The following AVEN variants were observed in gnomAD, a reference collection of about 807,000 sequenced individuals.
AVEN encodes the protein cell death regulator Aven.
In AVEN, 41 loss-of-function variants were observed where a neutral mutation model predicts 38.1. That is an observed-to-expected ratio of 1.08 (90% CI 0.84 to 1.40). AVEN has a LOEUF of 1.40. AVEN is among the 40% of genes most tolerant of loss of function. The pLI is 0.00. For missense variants in AVEN, 605 were observed against 438.8 expected, an observed-to-expected ratio of 1.38 and a Z score of -3.38; for synonymous variants, 206 against 171.8, an observed-to-expected ratio of 1.20 and a Z score of -1.56.
chr15:33,917,179 A>G (rs1016294646), intron 2 of AVEN, among the ~76,000 whole-genome samples: 1 of 152,134 alleles, frequency 6.6e-6, no homozygotes, highest in Non-Finnish European at 1.5e-5. Flanking sequence ...TAAAGAACTC[A>G]AAGCAGAACT....
At chr15:33,858,536 G>A (rs977082433), downstream of AVEN, 1 of 59,606 alleles carries the variant, frequency 1.7e-5, no homozygotes, top group Non-Finnish European at 6.0e-5. Flanking sequence ...AATGAAACCA[G>A]TGTCTAAATT....
chr15:33,853,545 T>G, the AVEN span: 2 of 1,612,906 alleles, frequency 1.2e-6, no homozygotes, highest in South Asian at 1.1e-5. Flanking sequence ...CCTGTCATCC[T>G]TTGCTTCAGG....
At chr15:33,988,502 A>G (rs559209198) in intron 2 of AVEN, among the ~76,000 whole-genome samples, 1 of 152,330 alleles carries the variant, frequency 6.6e-6, no homozygotes, top group South Asian at 2.1e-4. Flanking sequence ...CGTGTAACAC[A>G]TCTCACACAC....
chr15:34,004,299 G>A (rs1020924087), intron 1 of AVEN, among the ~76,000 whole-genome samples: 6 of 152,098 alleles, frequency 3.9e-5, no homozygotes, highest in Non-Finnish European at 7.3e-5. Flanking sequence ...AAGGTTAAGA[G>A]AGCATGCAGA....
At chr15:33,863,675 G>A (rs1889357574), downstream of AVEN, among the ~76,000 whole-genome samples, 1 of 152,030 alleles carries the variant, frequency 6.6e-6, no homozygotes, top group Non-Finnish European at 1.5e-5. Flanking sequence ...TATAGTTCTG[G>A]AAGAATCTCC....
intron 2 of AVEN, among the ~76,000 whole-genome samples, chr15:33,999,977 C>T (rs1486990708): frequency 6.6e-6 from 1 of 152,200 alleles, no homozygotes; most frequent in African/African-American, 2.4e-5. Context: ...TTTCTGACCC[C>T]ATCGCATATT....
chr15:33,928,743 C>T (rs1893726196), intron 2 of AVEN, among the ~76,000 whole-genome samples: 1 of 152,160 alleles, frequency 6.6e-6, no homozygotes, highest in Non-Finnish European at 1.5e-5. Flanking sequence ...TACCAAGAGT[C>T]ACAGAGAAAC....
chr15:33,912,711 G>C (rs991732155), intron 2 of AVEN, among the ~76,000 whole-genome samples: 1 of 152,132 alleles, frequency 6.6e-6, no homozygotes, highest in Non-Finnish European at 1.5e-5. Context: ...ATTGTCACAA[G>C]ACTGGTGACA....
intron 1 of AVEN, among the ~76,000 whole-genome samples, chr15:34,013,202 C>T (rs1897712148): frequency 6.6e-6 from 1 of 152,106 alleles, no homozygotes; most frequent in South Asian, 2.1e-4. Context: ...GCTGGGATTA[C>T]AGGCGCGCGC....
intron 2 of AVEN, among the ~76,000 whole-genome samples, chr15:33,983,128 C>CTGTGTGTG (rs373285133): frequency 7.4e-5 from 10 of 135,266 alleles, no homozygotes; most frequent in Non-Finnish European, 1.6e-4. Context: ...TGTCCATACT[C>CTGTGTGTG]TGTGTGTGTG....
chr15:33,863,248 T>C (rs756212024), downstream of AVEN, among the ~76,000 whole-genome samples: 14 of 152,204 alleles, frequency 9.2e-5, no homozygotes, highest in Admixed American at 3.3e-4. Context: ...CAAGGAATGA[T>C]GTCCTCAGCC....
downstream of AVEN, chr15:33,864,807 C>G: frequency 3.9e-6 from 1 of 257,566 alleles, no homozygotes; most frequent in Non-Finnish European, 7.4e-6. Flanking sequence ...CTCAAGCATT[C>G]CTCCGTCTTC....
intron 1 of AVEN, among the ~76,000 whole-genome samples, chr15:34,015,435 T>TTC (rs1897850569): frequency 6.6e-6 from 1 of 151,810 alleles, no homozygotes; most frequent in Non-Finnish European, 1.5e-5. Context: ...TGAGCCGAGA[T>TTC]CGCACCACTG....
chr15:34,001,178 G>A (rs1295919067), intron 2 of AVEN, among the ~76,000 whole-genome samples: 2 of 151,884 alleles, frequency 1.3e-5, no homozygotes, highest in African/African-American at 2.4e-5. Context: ...CCGCCACCAC[G>A]CCCAGCTAAT....
intron 2 of AVEN, among the ~76,000 whole-genome samples, chr15:33,966,776 T>C (rs1378796699): frequency 6.6e-6 from 1 of 152,128 alleles, no homozygotes; most frequent in South Asian, 2.1e-4. Flanking sequence ...AAAAGTTAAG[T>C]GGACAGCCAA....
At chr15:33,977,755 A>G (rs185528591) in intron 2 of AVEN, among the ~76,000 whole-genome samples, 21 of 152,248 alleles carry the variant, frequency 1.4e-4, no homozygotes, top group African/African-American at 4.8e-4. Flanking sequence ...CCTCCCTGGC[A>G]AAACAGCCAG....
chr15:33,891,819 T>C (rs1438073270), intron 2 of AVEN, among the ~76,000 whole-genome samples: 1 of 152,230 alleles, frequency 6.6e-6, no homozygotes, highest in Non-Finnish European at 1.5e-5. Flanking sequence ...TCTTCCACAA[T>C]GGTGGAACCA....
chr15:34,017,119 C>A lies in AVEN; in HGVS notation c.268-13910G>T, dbSNP rs1597354805. Among the ~76,000 whole-genome samples, 3 of 132,712 alleles carry A rather than the reference C, an allele frequency of 2.3e-5. No homozygotes were observed. In the Admixed American group the frequency reaches 2.4e-4, roughly 11 times the overall value. The allele number at this position is 132,712 out of a possible 152,430, so 87.1% of individuals were successfully genotyped here. ...TGCATTCCTGGATGACAGAATGAGACTCTGTCTCAAGGGGGAAAAAAAAAG... is the reference window on the plus strand; with the variant it reads ...TGCATTCCTGGATGACAGAATGAGAATCTGTCTCAAGGGGGAAAAAAAAAG... On this transcript the variant is annotated intron_variant, in intron 1 of 5. Coordinates refer to ENST00000306730, the MANE Select transcript of AVEN (RefSeq NM_020371.3).
intron 2 of AVEN, among the ~76,000 whole-genome samples, chr15:33,880,013 G>C (rs1307809609): frequency 6.6e-6 from 1 of 152,124 alleles, no homozygotes. Flanking sequence ...TGTACTATAT[G>C]TGAATATATA....
Sources: gnomAD v4.1 joint callset for allele counts (sites outside exome capture counted in the v4.1 genomes callset) on GRCh38, gnomAD v4.1.1 for gene constraint, MANE v1.5 for transcripts, NCBI Gene and HGNC (gene_info 2026-07-23, HGNC 2026-07-21) for gene names.